The following MARCHF1 variants were observed in gnomAD, a reference collection of about 807,000 sequenced individuals.
The protein encoded by MARCHF1 is E3 ubiquitin-protein ligase MARCHF1.
A neutral mutation model predicts 54.2 loss-of-function variants in MARCHF1; 40 were observed. The ratio of observed to expected loss-of-function variants is 0.74; its 90% confidence interval spans 0.57 to 0.96. The LOEUF (loss-of-function observed/expected upper bound fraction) is 0.96. Among genes scored for constraint, MARCHF1 ranks in the 40% least tolerant of loss-of-function variants. The probability of loss-of-function intolerance (pLI) is 0.00; values close to 1 mark genes in which losing one functional copy is unlikely to be tolerated. For missense variants in MARCHF1, 586 were observed against 656.5 expected, an observed-to-expected ratio of 0.89 and a Z score of 1.17; for synonymous variants, 236 against 236.3, an observed-to-expected ratio of 1.00 and a Z score of 0.01.
chr4:164,144,314 A>G (rs1434273020), intron 1 of MARCHF1, among the ~76,000 whole-genome samples: 4 of 151,868 alleles, frequency 2.6e-5, no homozygotes, highest in African/African-American at 7.3e-5. Context: ...CTCTGCACCA[A>G]GGGGACCTAA....
chr4:164,356,614 G>T (rs1730546613), intron 1 of MARCHF1, among the ~76,000 whole-genome samples: 2 of 142,140 alleles, frequency 1.4e-5, no homozygotes, highest in Admixed American at 7.2e-5. Flanking sequence ...GGACTGTGGT[G>T]GGGTGGGGGG....
intron 1 of MARCHF1, among the ~76,000 whole-genome samples, chr4:164,182,130 A>G (rs1156991090): frequency 6.6e-6 from 1 of 152,138 alleles, no homozygotes; most frequent in African/African-American, 2.4e-5. Context: ...GCTATGAAAC[A>G]CTAATAGGTT....
At chr4:163,953,505 C>T (rs1343762635) in intron 3 of MARCHF1, among the ~76,000 whole-genome samples, 1 of 152,098 alleles carries the variant, frequency 6.6e-6, no homozygotes, top group Non-Finnish European at 1.5e-5. Context: ...TTGCTTCTTT[C>T]TCTTTTGGCC....
In MARCHF1 at chr4:163,590,057, G is replaced by GGTGTGTGTGTGTGTGTGTGTGT. The variant is rs34885496; in HGVS notation, c.1011-4150_1011-4129dup. On this transcript the variant is annotated intron_variant, in intron 7 of 9. Coordinates refer to ENST00000514618, the MANE Select transcript of MARCHF1 (RefSeq NM_001394959.1). ...TGCAGCAAATTAAATTTTAGATTTT[G>GGTGTGTGTGTGTGTGTGTGTGT]GTGTGTGTGTGTGTGTGTGTGTGTG... 7.9e-3 allele frequency among the ~76,000 whole-genome samples: 1,162 copies of GGTGTGTGTGTGTGTGTGTGTGT among 146,228 alleles called. 13 individuals carry two copies. Among genetic ancestry groups the GGTGTGTGTGTGTGTGTGTGTGT allele is most frequent in the Admixed American group, 0.015 (221 of 14,618 alleles).
intron 3 of MARCHF1, among the ~76,000 whole-genome samples, chr4:163,985,238 T>C (rs1324404465): frequency 6.6e-6 from 1 of 152,154 alleles, no homozygotes; most frequent in Non-Finnish European, 1.5e-5. Context: ...CAACATCTTC[T>C]GCCAGGACTG....
intron 4 of MARCHF1, among the ~76,000 whole-genome samples, chr4:163,733,258 T>TATACACGTGTATATATACACACACACAC (rs1554008879): frequency 2.2e-5 from 1 of 45,062 alleles, no homozygotes; most frequent in Non-Finnish European, 5.3e-5. Context: ...TATATATATA[T>TATACACGTGTATATATACACACACACAC]ACACACACAC....
At chr4:163,834,768 A>C (rs1250275214) in intron 4 of MARCHF1, among the ~76,000 whole-genome samples, 1 of 152,108 alleles carries the variant, frequency 6.6e-6, no homozygotes, top group Non-Finnish European at 1.5e-5. Context: ...ATTGGATCTT[A>C]AGTCAATCCC....
chr4:164,175,040 A>G (rs572341424), intron 1 of MARCHF1, among the ~76,000 whole-genome samples: 10 of 152,244 alleles, frequency 6.6e-5, no homozygotes, highest in Non-Finnish European at 1.5e-4. Context: ...AATCCTTAAT[A>G]CATACTGTAA....
rs1173741151 is a variant in MARCHF1, at chr4:163,526,298, CTT to C, written c.*2448_*2449del. 6.6e-6 allele frequency: 1 copy of C among 152,024 alleles called. No homozygotes were observed. The highest frequency in any genetic ancestry group is 1.9e-4 in the East Asian group (1 of 5,196). The allele number at this position is 152,024 out of a possible 1,614,324, so 9.4% of individuals were successfully genotyped here. A position where few individuals can be genotyped will look rare whatever the true frequency, so the allele number is the denominator to read the frequency against. ...CTGTGAAATCAGCCCTGCAACGTAT[CTT>C]GTTTAGGTTCGTACAGAATTTAAAC... On this transcript the variant is annotated 3_prime_UTR_variant, in exon 10 of 10. Coordinates refer to ENST00000514618, the MANE Select transcript of MARCHF1 (RefSeq NM_001394959.1).
chr4:163,875,127 A>G (rs141379387), intron 3 of MARCHF1, among the ~76,000 whole-genome samples: 238 of 152,196 alleles, frequency 1.6e-3, no homozygotes, highest in Middle Eastern at 6.8e-3. Flanking sequence ...TTGTGGAGTT[A>G]GCTCAATTTT....
At chr4:163,617,990 C>T (rs1741568090) in intron 5 of MARCHF1, among the ~76,000 whole-genome samples, 1 of 152,126 alleles carries the variant, frequency 6.6e-6, no homozygotes, top group South Asian at 2.1e-4. Flanking sequence ...AATAGTAACA[C>T]AGAATATTTA....
chr4:163,876,870 A>G (rs1398369948), intron 3 of MARCHF1, among the ~76,000 whole-genome samples: 1 of 152,180 alleles, frequency 6.6e-6, no homozygotes, highest in Non-Finnish European at 1.5e-5. Context: ...CCAAATAACC[A>G]TAAGAAGAAA....
intron 8 of MARCHF1, among the ~76,000 whole-genome samples, chr4:163,582,885 T>C (rs1740276378): frequency 6.6e-6 from 1 of 152,216 alleles, no homozygotes; most frequent in African/African-American, 2.4e-5. Flanking sequence ...CTCAGGTTGA[T>C]GACTGAGAAG....
chr4:164,160,502 G>C (rs1302928221), intron 1 of MARCHF1, among the ~76,000 whole-genome samples: 2 of 151,948 alleles, frequency 1.3e-5, no homozygotes, highest in African/African-American at 4.8e-5. Context: ...GCACATGACT[G>C]TATGCTAAAA....
intron 1 of MARCHF1, among the ~76,000 whole-genome samples, chr4:164,161,706 G>A (rs558827486): frequency 1.3e-5 from 2 of 152,132 alleles, no homozygotes; most frequent in South Asian, 4.1e-4. Flanking sequence ...ATGATACAAG[G>A]CAAAATCAGG....
intron 1 of MARCHF1, among the ~76,000 whole-genome samples, chr4:164,160,299 A>G (rs1579583825): frequency 6.6e-6 from 1 of 152,140 alleles, no homozygotes; most frequent in African/African-American, 2.4e-5. Flanking sequence ...TAAATGGTAT[A>G]GCCTATTCCT....
At chr4:163,745,872 G>A (rs746114276) in intron 4 of MARCHF1, among the ~76,000 whole-genome samples, 6 of 151,912 alleles carry the variant, frequency 3.9e-5, no homozygotes, top group Non-Finnish European at 5.9e-5. Flanking sequence ...TTTTAGAGCC[G>A]TTTTAGGTTC....
At chr4:164,253,731 T>C (rs551897956) in intron 1 of MARCHF1, among the ~76,000 whole-genome samples, 1 of 152,264 alleles carries the variant, frequency 6.6e-6, no homozygotes, top group East Asian at 1.9e-4. Context: ...TACACAAATG[T>C]TTATAACTGC....
At chr4:164,278,648 A>C (rs1040506213) in intron 1 of MARCHF1, among the ~76,000 whole-genome samples, 2 of 152,204 alleles carry the variant, frequency 1.3e-5, no homozygotes, top group Admixed American at 1.3e-4. Flanking sequence ...TATGTTTTTG[A>C]AATAAAATGT....
Sources: gnomAD v4.1 joint callset for allele counts (sites outside exome capture counted in the v4.1 genomes callset) on GRCh38, gnomAD v4.1.1 for gene constraint, MANE v1.5 for transcripts, NCBI Gene and HGNC (gene_info 2026-07-23, HGNC 2026-07-21) for gene names.